Variants in ATRNL1 observed in about 807,000 individuals in gnomAD.
ATRNL1 encodes attractin-like protein 1.
A neutral mutation model predicts 182.7 loss-of-function variants in ATRNL1; 95 were observed. That is an observed-to-expected ratio of 0.52 (90% CI 0.44 to 0.62). ATRNL1 has a LOEUF of 0.62. Among genes scored for constraint, ATRNL1 ranks in the 20% least tolerant of loss-of-function variants. ATRNL1 has a pLI of 0.00. For synonymous variants in ATRNL1, 576 were observed against 568.3 expected (o/e 1.01, Z -0.19); for missense variants, 1,471 against 1,679.5 (o/e 0.88, Z 2.17).
At chr10:115,802,049 AC>A (rs201856368) in intron 27 of ATRNL1, among the ~76,000 whole-genome samples, 1 of 25,754 alleles carries the variant, frequency 3.9e-5, no homozygotes, top group East Asian at 1.4e-3. Flanking sequence ...CACACACAAA[AC>A]AAAAAAAAAC....
At chr10:115,548,349 A>G (rs1852785572) in intron 25 of ATRNL1, among the ~76,000 whole-genome samples, 1 of 152,220 alleles carries the variant, frequency 6.6e-6, no homozygotes, top group South Asian at 2.1e-4. Context: ...AATGAGGCAT[A>G]GGCAAGGAGA....
At position 115,689,258 on chromosome 10, in the gene ATRNL1, TC is replaced by T. The variant is rs532700716; in HGVS notation, c.3796-37989del. On this transcript the variant is annotated intron_variant, in intron 26 of 28. Coordinates refer to ENST00000355044, the MANE Select transcript of ATRNL1 (RefSeq NM_207303.4). ...TGATGGCTCCAACTTGTCTGTTTCT[TC>T]TACAATTTTTTTGTGTGGTTTGTTC... is the stretch of plus-strand genomic sequence containing the variant. 5.9e-5 allele frequency among the ~76,000 whole-genome samples: 9 copies of T among 152,316 alleles called. No individual in the cohort carries two copies. The East Asian group carries it at 1.7e-3, about 29-fold the overall frequency.
intron 9 of ATRNL1, among the ~76,000 whole-genome samples, chr10:115,216,860 T>A (rs1554896392): frequency 1.3e-5 from 2 of 151,970 alleles, no homozygotes; most frequent in Non-Finnish European, 2.9e-5. Context: ...TAACACCTTT[T>A]TTCTTTTGGT....
intron 26 of ATRNL1, among the ~76,000 whole-genome samples, chr10:115,582,135 A>C (rs1464052923): frequency 6.6e-6 from 1 of 151,874 alleles, no homozygotes; most frequent in Non-Finnish European, 1.5e-5. Flanking sequence ...TTCTTAATCC[A>C]GTCTATCATT....
chr10:115,321,269 C>A (rs1467301789), intron 18 of ATRNL1, among the ~76,000 whole-genome samples: 2 of 152,072 alleles, frequency 1.3e-5, no homozygotes, highest in Non-Finnish European at 2.9e-5. Flanking sequence ...GTGCCTGCGC[C>A]TTCTTCTGGG....
intron 19 of ATRNL1, among the ~76,000 whole-genome samples, chr10:115,338,323 A>G (rs1310197978): frequency 6.6e-6 from 1 of 152,140 alleles, no homozygotes; most frequent in African/African-American, 2.4e-5. Flanking sequence ...ACTTTTCTCC[A>G]TAGTACTTGT....
intron 21 of ATRNL1, among the ~76,000 whole-genome samples, chr10:115,429,369 T>C (rs2134406175): frequency 6.6e-6 from 1 of 152,206 alleles, no homozygotes; most frequent in Middle Eastern, 3.4e-3. Context: ...ATTTTCTTCC[T>C]TTTTCAATAT....
At chr10:115,931,913 A>G (rs1419460124) in intron 28 of ATRNL1, among the ~76,000 whole-genome samples, 2 of 152,164 alleles carry the variant, frequency 1.3e-5, no homozygotes, top group Admixed American at 6.5e-5. Flanking sequence ...GTATCTGAAA[A>G]ATACCATGGA....
chr10:115,267,160 A>C (rs565375721), intron 12 of ATRNL1, among the ~76,000 whole-genome samples, 155 bp downstream of exon 12: 1 of 151,550 alleles, frequency 6.6e-6, no homozygotes, highest in South Asian at 2.1e-4. Flanking sequence ...CCTAGTGATT[A>C]ATAATTTAAT....
chr10:115,798,862 T>G (rs1442557950), intron 27 of ATRNL1, among the ~76,000 whole-genome samples: 4 of 149,504 alleles, frequency 2.7e-5, no homozygotes, highest in Non-Finnish European at 5.9e-5. Context: ...AGCCTCGCTC[T>G]GTTGACCAAG....
chr10:115,914,368 T>G (rs960902540), intron 28 of ATRNL1, among the ~76,000 whole-genome samples: 1 of 152,126 alleles, frequency 6.6e-6, no homozygotes, highest in Non-Finnish European at 1.5e-5. Flanking sequence ...AAATCTGGTG[T>G]TGTCTATTAC....
chr10:115,271,509 C>T (rs532638854), intron 13 of ATRNL1, among the ~76,000 whole-genome samples: 3 of 152,080 alleles, frequency 2.0e-5, no homozygotes, highest in African/African-American at 4.8e-5. Context: ...CCAGCCATCC[C>T]GTTACTGGAT....
At chr10:115,738,128 T>G (rs1329594250) in intron 27 of ATRNL1, among the ~76,000 whole-genome samples, 1 of 39,730 alleles carries the variant, frequency 2.5e-5, no homozygotes, top group Non-Finnish European at 4.9e-5. Context: ...AGATAATGAT[T>G]TTTTTTTTTT....
intron 26 of ATRNL1, among the ~76,000 whole-genome samples, chr10:115,684,724 G>C (rs1160893330): frequency 6.6e-6 from 1 of 151,538 alleles, no homozygotes; most frequent in Admixed American, 6.6e-5. Flanking sequence ...TAGAATGACT[G>C]TATGTTCATT....
At chr10:115,098,514 T>A (rs1003163122) in intron 1 of ATRNL1, among the ~76,000 whole-genome samples, 1 of 135,298 alleles carries the variant, frequency 7.4e-6, no homozygotes, top group African/African-American at 2.9e-5. Context: ...CAGGCTGGAG[T>A]GCAGTGGCGC....
intron 13 of ATRNL1, among the ~76,000 whole-genome samples, chr10:115,272,969 C>T (rs569398945): frequency 3.9e-5 from 6 of 152,240 alleles, no homozygotes; most frequent in East Asian, 3.9e-4. Flanking sequence ...GCATTGTGAG[C>T]GAGGAAGGCA....
intron 8 of ATRNL1, among the ~76,000 whole-genome samples, chr10:115,176,026 A>G (rs1212613824): frequency 3.3e-5 from 5 of 152,014 alleles, no homozygotes; most frequent in Admixed American, 2.6e-4. Flanking sequence ...ATGGTATCTC[A>G]TTGTGGTTTT....
intron 26 of ATRNL1, among the ~76,000 whole-genome samples, chr10:115,642,374 T>A (rs551175032): frequency 6.6e-6 from 1 of 152,156 alleles, no homozygotes; most frequent in Admixed American, 6.6e-5. Context: ...ATTAGAAGAA[T>A]TAATGTTGTC....
chr10:115,592,174 G>A (rs1555012450), intron 26 of ATRNL1, among the ~76,000 whole-genome samples: 1 of 152,120 alleles, frequency 6.6e-6, no homozygotes, highest in Non-Finnish European at 1.5e-5. Flanking sequence ...TACTAGGGGT[G>A]GAGTGAGGGA....
Sources: allele counts gnomAD v4.1 joint callset (sites outside exome capture counted in the v4.1 genomes callset), GRCh38; gene constraint gnomAD v4.1.1; transcripts MANE v1.5; gene names NCBI Gene and HGNC (gene_info 2026-07-23, HGNC 2026-07-21).